Variants in NOTCH1 observed in about 807,000 individuals in gnomAD.
The protein encoded by NOTCH1 is notch receptor 1.
A neutral mutation model predicts 254.8 loss-of-function variants in NOTCH1; 37 were observed. The observed-to-expected ratio is 0.15, with a 90% CI of 0.11 to 0.19. The LOEUF (loss-of-function observed/expected upper bound fraction) is 0.19, where lower values mean the gene tolerates loss of function less well. Among genes scored for constraint, NOTCH1 ranks in the 10% least tolerant of loss-of-function variants. The probability of loss-of-function intolerance (pLI) is 1.00; values close to 1 mark genes in which losing one functional copy is unlikely to be tolerated. For synonymous variants in NOTCH1, 1,731 were observed against 1,618.1 expected (o/e 1.07, Z -1.68); for missense variants, 2,972 against 3,708.6 (o/e 0.80, Z 5.16).
intron 19 of NOTCH1, among the ~76,000 whole-genome samples, 182 bp downstream of exon 19, chr9:136,508,688 C>T (rs894323430): frequency 3.9e-5 from 6 of 152,248 alleles, no homozygotes; most frequent in African/African-American, 1.4e-4. Flanking sequence ...AACGAAGGTG[C>T]CTGCTGCTTC....
chr9:136,522,289 T>C (rs1843382527), intron 4 of NOTCH1, among the ~76,000 whole-genome samples: 1 of 152,030 alleles, frequency 6.6e-6, no homozygotes, highest in Admixed American at 6.6e-5. Flanking sequence ...GACTGGAGGT[T>C]TTCAAAACTC....
chr9:136,517,993 C>T (rs1843304681), intron 7 of NOTCH1, 56 bp from the exon 8 acceptor site: 1 of 1,594,124 alleles, frequency 6.3e-7, no homozygotes, highest in Admixed American at 1.7e-5. Flanking sequence ...CCTGCAACAC[C>T]TCACTGCACA....
chr9:136,521,988 T>C (rs546041023), intron 4 of NOTCH1, among the ~76,000 whole-genome samples: 8 of 150,866 alleles, frequency 5.3e-5, no homozygotes, highest in Admixed American at 1.3e-4. Context: ...TTTTTTTTTT[T>C]TTTTTTTGAG....
chr9:136,514,793 G>A (rs372490542), intron 12 of NOTCH1, 91 bp from the exon 13 acceptor site: 11 of 1,298,352 alleles, frequency 8.5e-6, no homozygotes, highest in Admixed American at 5.9e-5. Flanking sequence ...GAGCCGGGGC[G>A]ATCACCCTTC....
Position 136,508,925 on chromosome 9 carries a change from C to G in NOTCH1, c.3116G>C (p.Gly1039Ala). ...PCLHGGTCQD[G>A]CGSYRCTCPQ... ...GCAGGTGCACCTGTAGGAGCCGCAGCCGTCCTGACAGGTGCCGCCATGCAG... is the reference window on the plus strand; with the variant it reads ...GCAGGTGCACCTGTAGGAGCCGCAGGCGTCCTGACAGGTGCCGCCATGCAG... The change falls in exon 19 of 34, where the codon GGC (glycine) becomes GCC (alanine). Residue 1039 changes from glycine (G) to alanine (A), a missense_variant. Coordinates refer to ENST00000651671, the MANE Select transcript of NOTCH1 (RefSeq NM_017617.5). The G allele has an allele frequency of 6.5e-7, 1 of 1,549,456 alleles. No individual in the cohort carries two copies. Among genetic ancestry groups the G allele is most frequent in the Non-Finnish European group, 8.7e-7 (1 of 1,147,258 alleles).
chr9:136,499,752 C>A (rs1589054952), intron 31 of NOTCH1, among the ~76,000 whole-genome samples: 1 of 152,182 alleles, frequency 6.6e-6, no homozygotes, highest in Non-Finnish European at 1.5e-5. Context: ...CTGGCGGGTG[C>A]AAAAGGCAAC....
intron 2 of NOTCH1, among the ~76,000 whole-genome samples, chr9:136,538,523 G>A (rs557175292): frequency 6.6e-6 from 1 of 152,232 alleles, no homozygotes; most frequent in Non-Finnish European, 1.5e-5. Flanking sequence ...AAGCGCCAGC[G>A]CTGCCTGGGA....
chr9:136,511,062 A>C, intron 16 of NOTCH1, 90 bp downstream of exon 16: 1 of 1,591,054 alleles, frequency 6.3e-7, no homozygotes. Flanking sequence ...TCCTCTTCAA[A>C]GACTCATCTA....
chr9:136,516,642 C>T (rs543499101), intron 9 of NOTCH1, among the ~76,000 whole-genome samples: 9 of 152,256 alleles, frequency 5.9e-5, no homozygotes, highest in African/African-American at 1.4e-4. Context: ...GGCTGGCCTC[C>T]CTCCCAGCAT....
At chr9:136,519,699 C>G in intron 4 of NOTCH1, 134 bp from the exon 5 acceptor site, 1 of 1,259,712 alleles carries the variant, frequency 7.9e-7, no homozygotes, top group South Asian at 1.2e-5. Flanking sequence ...GGTCTGTGCC[C>G]GTCCCCTGCC....
Position 136,506,688 on chromosome 9 carries a change from GC to G in NOTCH1, c.3901+27del, listed in dbSNP as rs1843091127. ...AGAGGCTCACCCTGCTGCCCCACACGCCCCACCCGCCTGGGCGCGGCACCCA... is the reference window on the plus strand; with the variant it reads ...AGAGGCTCACCCTGCTGCCCCACACGCCCACCCGCCTGGGCGCGGCACCCA... On this transcript the variant is annotated intron_variant, in intron 23 of 33. Transcript: ENST00000651671. The surrounding 1 kb of genome is among the most constrained non-coding windows in gnomAD (Gnocchi z 4.5). The G allele has an allele frequency of 1.3e-6, 2 of 1,595,620 alleles. No homozygotes were observed. The highest frequency in any genetic ancestry group is 2.7e-5 in the African/African-American group (2 of 74,760).
intron 2 of NOTCH1, 150 bp downstream of exon 2, chr9:136,543,874 C>T: frequency 1.3e-6 from 1 of 781,758 alleles, no homozygotes. Flanking sequence ...AATTGCCAGA[C>T]TTTGTCCAAT....
In NOTCH1 at chr9:136,506,577, A is replaced by G. The variant is rs2133342565; in HGVS notation, c.3964T>C (p.Cys1322Arg). 2 of 1,610,802 alleles carry G rather than the reference A, an allele frequency of 1.2e-6. No individual in the cohort carries two copies. Among genetic ancestry groups the G allele is most frequent in the Non-Finnish European group, 1.7e-6 (2 of 1,179,484 alleles). Reference protein sequence around the residue: ...KGKPCKNGGTCAVASNTARGF... With the variant: ...KGKPCKNGGTRAVASNTARGF... ...CGGGCGGTGTTGGAGGCCACGGCGC[A>G]GGTGCCCCCATTCTTGCAGGGCTTG... The change falls in exon 24 of 34, where the codon TGC becomes CGC. Residue 1322 changes from cysteine (C) to arginine (R), a missense_variant. Coordinates refer to ENST00000651671, the MANE Select transcript of NOTCH1 (RefSeq NM_017617.5). The surrounding 1 kb of genome is among the most constrained non-coding windows in gnomAD (Gnocchi z 4.5).
chr9:136,503,411 ACT>A, intron 26 of NOTCH1, 81 bp from the exon 27 acceptor site: 1 of 1,595,824 alleles, frequency 6.3e-7, no homozygotes, highest in South Asian at 1.1e-5. Context: ...GCCGCAGGAC[ACT>A]GAGGCCCATG....
At chr9:136,534,404 C>T (rs982621815) in intron 2 of NOTCH1, among the ~76,000 whole-genome samples, 3 of 152,214 alleles carry the variant, frequency 2.0e-5, no homozygotes, top group Admixed American at 2.0e-4. Context: ...ATGACAAATT[C>T]TCATCTGCCA....
chr9:136,524,639 CTTTTTT>C (rs869128901), intron 2 of NOTCH1, among the ~76,000 whole-genome samples: 6 of 54,414 alleles, frequency 1.1e-4, no homozygotes, highest in Non-Finnish European at 3.2e-5. Flanking sequence ...TTTTTCTTTT[CTTTTTT>C]TTTTTTTTTT....
intron 16 of NOTCH1, 54 bp downstream of exon 16, chr9:136,511,098 C>T (rs1210959077): frequency 1.5e-5 from 24 of 1,611,948 alleles, no homozygotes; most frequent in East Asian, 4.5e-5. Flanking sequence ...GCCTGTGTCC[C>T]GCAGACATCC....
intron 2 of NOTCH1, among the ~76,000 whole-genome samples, chr9:136,531,346 T>C (rs1469357994): frequency 6.6e-6 from 1 of 152,166 alleles, no homozygotes; most frequent in Non-Finnish European, 1.5e-5. Context: ...CCACACCTGC[T>C]GATGGGGACC....
chr9:136,515,966 G>A lies in NOTCH1; in HGVS notation c.1669+15C>T, dbSNP rs576849563. On this transcript the variant is annotated intron_variant, in intron 10 of 33. Transcript: ENST00000651671. ...CGTCCCCAGTCCCTCCCCGCTGGTG[G>A]GCGCCAGCCCGCACCTTCCGTGCAC... is the stretch of plus-strand genomic sequence containing the variant. The A allele has an allele frequency of 1.6e-4, 263 of 1,596,280 alleles. 10 individuals are homozygous for A. The highest frequency in any genetic ancestry group is 8.2e-4 in the South Asian group (74 of 90,666).
Sources: allele counts gnomAD v4.1 joint callset (sites outside exome capture counted in the v4.1 genomes callset), GRCh38; gene constraint gnomAD v4.1.1; non-coding constraint Gnocchi (gnomAD v3.1); transcripts MANE v1.5; gene names NCBI Gene and HGNC (gene_info 2026-07-23, HGNC 2026-07-21).